Variants in ARHGEF9 observed in about 807,000 individuals in gnomAD.
The protein encoded by ARHGEF9 is Cdc42 guanine nucleotide exchange factor 9, also known as rho guanine nucleotide exchange factor 9.
In ARHGEF9, 2 loss-of-function variants were observed where a neutral mutation model predicts 41.3. The ratio of observed to expected loss-of-function variants is 0.05; its 90% confidence interval spans 0.02 to 0.15. The LOEUF is 0.15. Ranked by LOEUF, ARHGEF9 falls within the 10% of genes least tolerant of loss-of-function variation. The probability of loss-of-function intolerance (pLI) is 1.00; values close to 1 mark genes in which losing one functional copy is unlikely to be tolerated. For synonymous variants in ARHGEF9, 160 were observed against 154.4 expected (o/e 1.04, Z -0.27); for missense variants, 225 against 424.7 (o/e 0.53, Z 4.13).
intron 1 of ARHGEF9, among the ~76,000 whole-genome samples, chrX:63,737,433 G>A (rs1383410658): frequency 8.9e-6 from 1 of 111,996 alleles, no homozygotes; most frequent in African/African-American, 3.2e-5. Flanking sequence ...GACAGGGGTG[G>A]GGTGGCCCCC....
intron 1 of ARHGEF9, chrX:63,743,530 C>T (rs2055087963): frequency 8.9e-6 from 1 of 112,771 alleles, no homozygotes; most frequent in African/African-American, 3.2e-5. Context: ...GCCCCCAGAT[C>T]AGTGAGATGT....
intron 1 of ARHGEF9, among the ~76,000 whole-genome samples, chrX:63,758,612 C>G (rs1482487775): frequency 1.8e-5 from 2 of 111,734 alleles, no homozygotes; most frequent in Non-Finnish European, 1.9e-5. Context: ...CAGTAGTTCT[C>G]ATAACTCATG....
chrX:63,706,443 C>T lies in ARHGEF9; in HGVS notation c.217G>A (p.Val73Met). 8.3e-7 allele frequency: 1 copy of T among 1,205,783 alleles called. No homozygotes were observed. Among genetic ancestry groups the T allele is most frequent in the Non-Finnish European group, 1.1e-6 (1 of 893,064 alleles). ...WFPASFVRLW[V>M]NQEDEVEEGP... is the part of the protein sequence containing the mutation. ...TCCTCCACCTCATCCTCCTGGTTCA[C>T]CCAGAGCTGTGGAAGCAGGCAAAAG... The change falls in exon 3 of 10, where the codon GTG (valine) becomes ATG (methionine). Residue 73 changes from valine (V) to methionine (M), a missense_variant. This residue lies in a region of ARHGEF9 where 114 missense variants were observed against 197.9 expected (regional missense o/e 0.58). Transcript: ENST00000671741.
chrX:63,657,860 AG>A (rs782799095), intron 7 of ARHGEF9: 62 of 112,206 alleles, frequency 5.5e-4, no homozygotes, highest in African/African-American at 1.9e-3. Context: ...GATCTCAGAA[AG>A]GTTTGAATTG....
At chrX:63,751,716 C>T (rs2055642719) in intron 1 of ARHGEF9, among the ~76,000 whole-genome samples, 1 of 111,918 alleles carries the variant, frequency 8.9e-6, no homozygotes, top group Non-Finnish European at 1.9e-5. Context: ...ACCCATCCAT[C>T]CCAGCATTTG....
chrX:63,666,139 G>T, intron 6 of ARHGEF9, 122 bp from the exon 7 acceptor site: 1 of 933,958 alleles, frequency 1.1e-6, no homozygotes, highest in Non-Finnish European at 1.5e-6. Flanking sequence ...GCCTGGTAGA[G>T]ACAGAGGGAG....
At chrX:63,673,476 G>A (rs1382926472) in intron 6 of ARHGEF9, among the ~76,000 whole-genome samples, 1 of 111,375 alleles carries the variant, frequency 9.0e-6, no homozygotes, top group Non-Finnish European at 1.9e-5. Context: ...AGTCATGGCT[G>A]TCTGCAATGA....
At chrX:63,729,147 C>A (rs1220728653) in intron 1 of ARHGEF9, among the ~76,000 whole-genome samples, 8 of 111,385 alleles carry the variant, frequency 7.2e-5, no homozygotes, top group Non-Finnish European at 1.5e-4. Flanking sequence ...GAAGTGATGA[C>A]AAATTTTCTC....
At chrX:63,700,546 G>T (rs1347383615) in intron 3 of ARHGEF9, among the ~76,000 whole-genome samples, 2 of 111,832 alleles carry the variant, frequency 1.8e-5, no homozygotes, top group Non-Finnish European at 3.8e-5. Context: ...GAAAAAAGAA[G>T]AAATATATTG....
chrX:63,674,620 T>C (rs1212086017), intron 5 of ARHGEF9, among the ~76,000 whole-genome samples: 8 of 111,903 alleles, frequency 7.1e-5, no homozygotes, highest in African/African-American at 2.6e-4. Flanking sequence ...GAGAGTTGTG[T>C]GTCTGTTCCC....
chrX:63,754,170 A>G lies in ARHGEF9; in HGVS notation c.31-29459T>C, dbSNP rs145382128. The G allele has an allele frequency of 5.6e-4, 415 of 741,201 alleles. No individual in the cohort carries two copies. The African/African-American group carries it at 7.9e-3, about 14-fold the overall frequency. 61.1% of individuals were successfully genotyped at this position (741,201 alleles called of 1,213,427 possible). A position where few individuals can be genotyped will look rare whatever the true frequency, so the allele number is the denominator to read the frequency against. On this transcript the variant is annotated intron_variant, in intron 1 of 9. Transcript: ENST00000671741. ...CTCCATGAACGCCACATAGATTAAAAATGCACACACGCATGCACACTTAAA... is the reference window on the plus strand; with the variant it reads ...CTCCATGAACGCCACATAGATTAAAGATGCACACACGCATGCACACTTAAA...
intron 8 of ARHGEF9, among the ~76,000 whole-genome samples, chrX:63,655,218 C>T (rs1388753631): frequency 1.8e-5 from 2 of 111,832 alleles, no homozygotes; most frequent in South Asian, 7.5e-4. Context: ...TGTTTATTTG[C>T]TAATAAATGT....
chrX:63,637,220 A>T lies in ARHGEF9; in HGVS notation c.*808T>A, dbSNP rs2047352628. 1 of 296,143 alleles carries T rather than the reference A, an allele frequency of 3.4e-6. No homozygotes were observed. The highest frequency in any genetic ancestry group is 6.2e-5 in the Admixed American group (1 of 16,237). 24.4% of individuals were successfully genotyped at this position (296,143 alleles called of 1,213,427 possible). On this transcript the variant is annotated 3_prime_UTR_variant, in exon 10 of 10. Transcript: ENST00000671741. ...TGATAGAAGAAACAGCCTGAATGCA[A>T]AATGTTCCCTGAACAGAAGTCCACT... is the stretch of plus-strand genomic sequence containing the variant.
chrX:63,784,924 T>G (rs782695638), intron 1 of ARHGEF9, among the ~76,000 whole-genome samples, 192 bp downstream of exon 1: 65 of 110,130 alleles, frequency 5.9e-4, no homozygotes, highest in African/African-American at 2.1e-3. Context: ...GGTAGGGGGG[T>G]TTCCTGGGCA....
chrX:63,697,781 C>A (rs1212096891), intron 3 of ARHGEF9, among the ~76,000 whole-genome samples: 1 of 111,411 alleles, frequency 9.0e-6, no homozygotes, highest in Non-Finnish European at 1.9e-5. Flanking sequence ...AAAACCATTT[C>A]TTCAAAAAAA....
At position 63,785,166 on chromosome X, in the gene ARHGEF9, T is replaced by C. The variant is rs782179818; in HGVS notation, c.-21A>G. 32 of 1,162,507 alleles carry C rather than the reference T, an allele frequency of 2.8e-5. No homozygotes were observed. In the South Asian group the frequency reaches 6.0e-4, roughly 22 times the overall value. On this transcript the variant is annotated 5_prime_UTR_variant, in exon 1 of 10. Transcript: ENST00000671741. ...TGCATGGTGCTTGCGAAGTCCGGCT[T>C]CTCTGAGGCCCCGTAGCTGGCGCGA... is the stretch of plus-strand genomic sequence containing the variant.
rs1446177397 is a variant in ARHGEF9, at chrX:63,724,940, TA to T, written c.31-230del. 4 of 410,808 alleles carry T rather than the reference TA, an allele frequency of 9.7e-6. No homozygotes were observed. The African/African-American group carries it at 1.0e-4, about 10-fold the overall frequency. The allele number at this position is 410,808 out of a possible 1,213,427, so 33.9% of individuals were successfully genotyped here. On this transcript the variant is annotated intron_variant, in intron 1 of 9. Transcript: ENST00000671741. ...AATGACCCAGAATATGAATATGTAC[TA>T]CATATGCCTCATGCTTTTTATCCCT...
At chrX:63,754,380 T>C (rs2055844579) in intron 1 of ARHGEF9, 1 of 1,205,434 alleles carries the variant, frequency 8.3e-7, no homozygotes, top group Non-Finnish European at 1.1e-6. Context: ...GCTTGTTCTT[T>C]CTCTCTCTTT....
intron 4 of ARHGEF9, among the ~76,000 whole-genome samples, chrX:63,690,555 A>G (rs2051275315): frequency 8.9e-6 from 1 of 111,912 alleles, no homozygotes; most frequent in African/African-American, 3.2e-5. Flanking sequence ...TCCACCAAAC[A>G]TTTAAAAAAG....
Sources: allele counts gnomAD v4.1 joint callset (sites outside exome capture counted in the v4.1 genomes callset), GRCh38; gene constraint gnomAD v4.1.1; regional missense constraint gnomAD v4.1.1; transcripts MANE v1.5; gene names NCBI Gene and HGNC (gene_info 2026-07-23, HGNC 2026-07-21).